The following CLVS1 variants were observed in gnomAD, a reference collection of about 807,000 sequenced individuals.
CLVS1 encodes clavesin-1.
CLVS1 carries 10 observed loss-of-function variants against 33.1 expected under a neutral mutation model. The observed-to-expected ratio is 0.30, with a 90% CI of 0.19 to 0.51. The LOEUF is 0.51. Among genes scored for constraint, CLVS1 ranks in the 20% least tolerant of loss-of-function variants. The pLI, the probability that CLVS1 is intolerant of heterozygous loss-of-function variation, is 0.97. For synonymous variants in CLVS1, 163 were observed against 166.1 expected (o/e 0.98, Z 0.14); for missense variants, 343 against 433.4 (o/e 0.79, Z 1.85).
chr8:61,343,224 G>C (rs976077764), intron 2 of CLVS1, among the ~76,000 whole-genome samples: 1 of 149,978 alleles, frequency 6.7e-6, no homozygotes, highest in Non-Finnish European at 1.5e-5. Flanking sequence ...GTTATCTTTG[G>C]ATTTATAGCA....
chr8:61,356,094 A>G (rs1450335820), intron 2 of CLVS1, among the ~76,000 whole-genome samples: 57 of 151,888 alleles, frequency 3.8e-4, no homozygotes, highest in African/African-American at 8.2e-4. Flanking sequence ...TGACTTTTTA[A>G]CGATTGCCAT....
intron 2 of CLVS1, among the ~76,000 whole-genome samples, chr8:61,262,144 G>A (rs1809218971): frequency 6.6e-6 from 1 of 152,010 alleles, no homozygotes; most frequent in Non-Finnish European, 1.5e-5. Flanking sequence ...CTCTCATGTA[G>A]TGGACAGTAC....
chr8:61,113,700 G>A (rs1420299052), intron 1 of CLVS1, among the ~76,000 whole-genome samples: 1 of 152,178 alleles, frequency 6.6e-6, no homozygotes, highest in Non-Finnish European at 1.5e-5. Context: ...CTCTGCTTAC[G>A]GCACCTGCAC....
intron 5 of CLVS1, among the ~76,000 whole-genome samples, chr8:61,488,333 G>A (rs768244582): frequency 2.0e-5 from 3 of 152,138 alleles, no homozygotes; most frequent in African/African-American, 4.8e-5. Context: ...TGGGCACAAC[G>A]CAAGCTAGTT....
At chr8:61,180,665 T>C (rs4397400) in intron 2 of CLVS1, among the ~76,000 whole-genome samples, 76,617 of 152,130 alleles carry the variant, frequency 0.5, 21,037 homozygotes, top group Middle Eastern at 0.71. Flanking sequence ...TTCATCCCTG[T>C]GACGCAAGTC....
At chr8:61,038,437 GTATA>G in the CLVS1 span, among the ~76,000 whole-genome samples, 8 of 142,712 alleles carry the variant, frequency 5.6e-5, no homozygotes, top group South Asian at 2.2e-4. Flanking sequence ...CCTGTCGTTT[GTATA>G]TATATATATA....
At chr8:61,353,193 C>T (rs1812546579) in intron 2 of CLVS1, among the ~76,000 whole-genome samples, 1 of 152,006 alleles carries the variant, frequency 6.6e-6, no homozygotes, top group Admixed American at 6.6e-5. Flanking sequence ...AATCAACCAA[C>T]AGGATCTAAT....
At position 61,169,588 on chromosome 8, in the gene CLVS1, A is replaced by T. The variant is rs186544086; in HGVS notation, c.-152+37728A>T. ...CAACCTTTGTTCATAGCAAAGTTCC[A>T]TCCCACTCTTTCTTACCACTGCCCC... On this transcript the variant is annotated intron_variant, in intron 2 of 2. Coordinates refer to the CLVS1 transcript ENST00000522621. 1.1e-3 allele frequency among the ~76,000 whole-genome samples: 173 copies of T among 152,328 alleles called. 1 individual carries two copies. The highest frequency in any genetic ancestry group is 3.8e-3 in the African/African-American group (157 of 41,572).
the CLVS1 span, among the ~76,000 whole-genome samples, chr8:61,003,856 A>G: frequency 6.6e-6 from 1 of 152,256 alleles, no homozygotes; most frequent in Non-Finnish European, 1.5e-5. Flanking sequence ...AAACTAGCAC[A>G]AGTAAATATA....
At chr8:60,997,082 G>A in the CLVS1 span, among the ~76,000 whole-genome samples, 1 of 152,044 alleles carries the variant, frequency 6.6e-6, no homozygotes, top group Admixed American at 6.5e-5. Context: ...TTTAAATTTG[G>A]ATTTTGGGAA....
At chr8:61,207,736 G>A (rs912373681) in intron 2 of CLVS1, among the ~76,000 whole-genome samples, 4 of 152,132 alleles carry the variant, frequency 2.6e-5, no homozygotes, top group African/African-American at 7.2e-5. Context: ...TGATTATAAT[G>A]TAGTTGGTTG....
At chr8:61,072,941 C>CT (rs1216765125) in intron 1 of CLVS1, among the ~76,000 whole-genome samples, 5 of 152,154 alleles carry the variant, frequency 3.3e-5, no homozygotes, top group Non-Finnish European at 7.3e-5. Context: ...AATCTATAAT[C>CT]TTTTTTTGTA....
At chr8:61,277,742 C>A (rs1809589185) in intron 2 of CLVS1, among the ~76,000 whole-genome samples, 1 of 152,074 alleles carries the variant, frequency 6.6e-6, no homozygotes, top group Non-Finnish European at 1.5e-5. Context: ...ATAATAACGT[C>A]CGTAGATTCT....
chr8:61,271,269 T>C lies in CLVS1; in HGVS notation c.-151-28408T>C, dbSNP rs1229086746. On this transcript the variant is annotated intron_variant, in intron 2 of 2. Transcript: ENST00000522621. ...CTTTATTTCTGCCTTCATTTCGTTA[T>C]GTACCCAGTAGTCATTCAGGAGCAG... Among the ~76,000 whole-genome samples, 958 of 151,344 alleles carry C rather than the reference T, an allele frequency of 6.3e-3. 9 individuals carry two copies. The highest frequency in any genetic ancestry group is 0.022 in the African/African-American group (894 of 41,096).
chr8:61,244,948 G>A (rs1808775805), intron 2 of CLVS1, among the ~76,000 whole-genome samples: 1 of 151,858 alleles, frequency 6.6e-6, no homozygotes, highest in South Asian at 2.1e-4. Context: ...CTACAATCCT[G>A]TCAAGAATTT....
chr8:61,297,347 G>A (rs1290886142), intron 1 of CLVS1, among the ~76,000 whole-genome samples: 1 of 152,176 alleles, frequency 6.6e-6, no homozygotes, highest in Admixed American at 6.6e-5. Context: ...CTAAACAGAT[G>A]AGTAGTGATG....
At chr8:61,174,237 G>C (rs888867748) in intron 2 of CLVS1, among the ~76,000 whole-genome samples, 2 of 152,032 alleles carry the variant, frequency 1.3e-5, no homozygotes, top group African/African-American at 4.8e-5. Context: ...AACCTATAAG[G>C]TCAAATCAAT....
intron 2 of CLVS1, among the ~76,000 whole-genome samples, chr8:61,372,572 A>G (rs923159006): frequency 3.3e-5 from 5 of 152,120 alleles, no homozygotes; most frequent in Admixed American, 3.3e-4. Context: ...GTTATTCATT[A>G]ATGTCCATAC....
At chr8:61,294,434 T>A (rs1810114420) in intron 1 of CLVS1, among the ~76,000 whole-genome samples, 1 of 152,292 alleles carries the variant, frequency 6.6e-6, no homozygotes, top group Non-Finnish European at 1.5e-5. Context: ...AAGCTCATTA[T>A]CTGACTTAGC....
Sources: allele counts gnomAD v4.1 joint callset (sites outside exome capture counted in the v4.1 genomes callset), GRCh38; gene constraint gnomAD v4.1.1; transcripts MANE v1.5; gene names NCBI Gene and HGNC (gene_info 2026-07-23, HGNC 2026-07-21).